PDE1C: variants seen among roughly 807,000 people sequenced by gnomAD.
PDE1C encodes the protein dual specificity calcium/calmodulin-dependent 3',5'-cyclic nucleotide phosphodiesterase 1C.
PDE1C carries 62 observed loss-of-function variants against 93.1 expected under a neutral mutation model. The observed-to-expected ratio is 0.67, with a 90% CI of 0.54 to 0.82. PDE1C has a LOEUF of 0.82. PDE1C is among the 40% of genes least tolerant of loss of function. The pLI, the probability that PDE1C is intolerant of heterozygous loss-of-function variation, is 0.00. For missense variants in PDE1C, 742 were observed against 884.6 expected, an observed-to-expected ratio of 0.84 and a Z score of 2.04; for synonymous variants, 325 against 310.1, an observed-to-expected ratio of 1.05 and a Z score of -0.50.
At chr7:31,802,189 T>A (rs1454499432) in intron 16 of PDE1C, among the ~76,000 whole-genome samples, 2 of 151,554 alleles carry the variant, frequency 1.3e-5, no homozygotes, top group Non-Finnish European at 3.0e-5. Flanking sequence ...TATTTTATGA[T>A]TTCATTTTAT....
chr7:32,027,520 C>T (rs551295925), intron 2 of PDE1C, among the ~76,000 whole-genome samples: 1 of 131,180 alleles, frequency 7.6e-6, no homozygotes, highest in East Asian at 2.5e-4. Context: ...CATGGAAAAA[C>T]ATAAGATTCC....
chr7:32,269,730 G>A (rs1216207125), intron 1 of PDE1C, among the ~76,000 whole-genome samples: 2 of 151,280 alleles, frequency 1.3e-5, no homozygotes, highest in African/African-American at 2.4e-5. Flanking sequence ...TGTCCGCCTC[G>A]GCCTCCCAAA....
At chr7:32,267,586 A>ACACTCTCTCTCTCTCTCTCTCT (rs1442508353) in intron 1 of PDE1C, among the ~76,000 whole-genome samples, 3 of 117,610 alleles carry the variant, frequency 2.6e-5, no homozygotes, top group African/African-American at 1.0e-4. Context: ...ACACACACAC[A>ACACTCTCTCTCTCTCTCTCTCT]CTCTCTCTCT....
intron 3 of PDE1C, among the ~76,000 whole-genome samples, chr7:32,086,771 A>G (rs1192842162): frequency 1.3e-5 from 2 of 152,232 alleles, no homozygotes; most frequent in Non-Finnish European, 2.9e-5. Flanking sequence ...TCCCGATTTA[A>G]TAAATGGTGC....
chr7:32,184,015 G>A (rs1325536926), intron 2 of PDE1C, among the ~76,000 whole-genome samples: 1 of 152,176 alleles, frequency 6.6e-6, no homozygotes, highest in Non-Finnish European at 1.5e-5. Context: ...CTCAATAGAA[G>A]ACATTTATGC....
rs192023739 is a variant in PDE1C, at chr7:32,245,896, C to T, written c.86-36357G>A. On this transcript the variant is annotated intron_variant, in intron 1 of 18. Coordinates refer to the PDE1C transcript ENST00000396193. ...GACTCTGCCCTACTTATCCAGTCAG[C>T]TCCCAAAGGCCCCACCTTCTAATAG... is the stretch of plus-strand genomic sequence containing the variant. Among the ~76,000 whole-genome samples the T allele has an allele frequency of 3.6e-4, 55 of 152,150 alleles. No homozygotes were observed. The East Asian group carries it at 7.7e-3, about 21-fold the overall frequency.
intron 17 of PDE1C, among the ~76,000 whole-genome samples, chr7:31,761,119 A>C (rs1794811042): frequency 2.2e-5 from 1 of 44,742 alleles, no homozygotes; most frequent in South Asian, 3.6e-4. Flanking sequence ...GTAACTGGCC[A>C]AAATCACACA....
intron 9 of PDE1C, among the ~76,000 whole-genome samples, chr7:31,843,885 T>C (rs1583570394): frequency 6.6e-6 from 1 of 151,822 alleles, no homozygotes; most frequent in South Asian, 2.1e-4. Context: ...TAACAATCTT[T>C]AGCTATTATG....
intron 1 of PDE1C, among the ~76,000 whole-genome samples, chr7:32,383,434 A>G (rs1784568931): frequency 6.6e-6 from 1 of 152,200 alleles, no homozygotes; most frequent in South Asian, 2.1e-4. Flanking sequence ...AGAAGAAAGA[A>G]TGGCACTAGC....
chr7:31,789,160 T>C (rs1784309200), intron 16 of PDE1C: 1 of 152,156 alleles, frequency 6.6e-6, no homozygotes. Flanking sequence ...TTTATCTAAA[T>C]CACATCATTT....
At chr7:32,416,571 T>C (rs1258064117) in intron 1 of PDE1C, among the ~76,000 whole-genome samples, 1 of 152,182 alleles carries the variant, frequency 6.6e-6, no homozygotes, top group Non-Finnish European at 1.5e-5. Context: ...ACATACAATT[T>C]CATCAGCTAG....
chr7:31,665,636 G>C, the PDE1C span, among the ~76,000 whole-genome samples: 113,196 of 152,082 alleles, frequency 0.74, 42,248 homozygotes, highest in East Asian at 0.83. Flanking sequence ...TCTGCTAGTA[G>C]TTCCTGCACT....
intron 2 of PDE1C, among the ~76,000 whole-genome samples, chr7:32,015,215 G>A (rs1247278438): frequency 6.6e-6 from 1 of 151,588 alleles, no homozygotes; most frequent in African/African-American, 2.4e-5. Context: ...AAATTACCCA[G>A]TCTCAGGAAG....
chr7:31,982,956 G>A (rs1030443833), intron 2 of PDE1C, among the ~76,000 whole-genome samples: 2 of 152,164 alleles, frequency 1.3e-5, no homozygotes, highest in Non-Finnish European at 2.9e-5. Flanking sequence ...TCTACTATCT[G>A]AGAAAATGGG....
intron 1 of PDE1C, among the ~76,000 whole-genome samples, chr7:32,227,424 G>A (rs1033355027): frequency 6.6e-6 from 1 of 152,128 alleles, no homozygotes; most frequent in Non-Finnish European, 1.5e-5. Context: ...AATGAATAGC[G>A]ATTTAAAGTC....
At chr7:31,992,461 T>G (rs981467575) in intron 2 of PDE1C, among the ~76,000 whole-genome samples, 2 of 152,062 alleles carry the variant, frequency 1.3e-5, no homozygotes, top group Non-Finnish European at 2.9e-5. Flanking sequence ...CCCAAACAAA[T>G]GAGGAAAGGC....
intron 1 of PDE1C, among the ~76,000 whole-genome samples, chr7:32,389,311 G>A (rs143565943): frequency 0.012 from 1,803 of 152,158 alleles, 31 homozygotes; most frequent in African/African-American, 0.041. Context: ...CTACCTCCCA[G>A]GTTCAAGTGA....
At position 32,130,702 on chromosome 7, in the gene PDE1C, G is replaced by A. The variant is rs1014044932; in HGVS notation, c.308+39083C>T. Among the ~76,000 whole-genome samples the A allele has an allele frequency of 1.1e-4, 16 of 151,998 alleles. 5 individuals carry two copies. The highest frequency in any genetic ancestry group is 6.6e-5 in the Admixed American group (1 of 15,246). ...CCAGCAGGGAAACAGACTCCCACAC[G>A]CCTCTCCTTTGCTTGACCACCTCTG... On this transcript the variant is annotated intron_variant, in intron 3 of 18. Transcript: ENST00000396193.
the PDE1C span, among the ~76,000 whole-genome samples, chr7:31,666,802 T>C: frequency 6.6e-6 from 1 of 152,186 alleles, no homozygotes; most frequent in African/African-American, 2.4e-5. Context: ...CCATTTTTTT[T>C]TGTCCTGTAT....
Sources: allele counts gnomAD v4.1 joint callset (sites outside exome capture counted in the v4.1 genomes callset), GRCh38; gene constraint gnomAD v4.1.1; transcripts MANE v1.5; gene names NCBI Gene and HGNC (gene_info 2026-07-23, HGNC 2026-07-21).